DISP2: variants seen among roughly 807,000 people sequenced by gnomAD.
DISP2 encodes the protein protein dispatched homolog 2.
A neutral mutation model predicts 95.5 loss-of-function variants in DISP2; 59 were observed. The ratio of observed to expected loss-of-function variants is 0.62; its 90% confidence interval spans 0.50 to 0.77. The LOEUF is 0.77. DISP2 is among the 30% of genes least tolerant of loss of function. DISP2 has a pLI of 0.00. For missense variants in DISP2, 1,752 were observed against 1,854.6 expected (o/e 0.94, Z 1.02); for synonymous variants, 827 against 815.0 (o/e 1.01, Z -0.25).
Position 40,358,325 on chromosome 15 carries a change from G to A in DISP2, c.4G>A (p.Asp2Asn). M[D>N]GDSSSSSGGS... ...GACAGCGGTGCCGCCCACGGGCATG[G>A]ACGGTGACAGCAGCAGCAGCAGCGG... Residue 2 changes from aspartate to asparagine, a missense_variant, in exon 1 of 8, where the codon GAC becomes AAC. Physicochemically the swap from Asp to Asn is conservative, Grantham distance 23. Coordinates refer to ENST00000267889, the MANE Select transcript of DISP2 (RefSeq NM_033510.3). 1 of 1,383,580 alleles carries A rather than the reference G, an allele frequency of 7.2e-7. No individual in the cohort carries two copies. The highest frequency in any genetic ancestry group is 1.6e-5 in the South Asian group (1 of 62,398). 85.7% of individuals were successfully genotyped at this position (1,383,580 alleles called of 1,614,324 possible). A position where few individuals can be genotyped will look rare whatever the true frequency, so the allele number is the denominator to read the frequency against.
rs1889627631 is a variant in DISP2, at chr15:40,370,615, A to G, written c.*297A>G. 2 of 609,274 alleles carry G rather than the reference A, an allele frequency of 3.3e-6. No homozygotes were observed. Among genetic ancestry groups the G allele is most frequent in the East Asian group, 3.6e-5 (1 of 27,602 alleles). The allele number at this position is 609,274 out of a possible 1,614,324, so 37.7% of individuals were successfully genotyped here. On this transcript the variant is annotated 3_prime_UTR_variant, in exon 8 of 8. Coordinates refer to ENST00000267889, the MANE Select transcript of DISP2 (RefSeq NM_033510.3). ...CCCTCCTCTAGAAGTGGGGAAGGCC[A>G]GATGTGTAGCTTCGGGTATCAGAGG... is the stretch of plus-strand genomic sequence containing the variant.
In DISP2 at chr15:40,376,299, GT is replaced by G. The variant is rs2141267022; in HGVS notation, c.*5982del. On this transcript the variant is annotated 3_prime_UTR_variant, in exon 8 of 8. Transcript: ENST00000267889. ...AGCTTGGGCAACATAGCAAGATCCC[GT>G]ATCTACAAAAAATAATTTTAAAAAT... 1 of 152,272 alleles carries G rather than the reference GT, an allele frequency of 6.6e-6. No homozygotes were observed. Among genetic ancestry groups the G allele is most frequent in the East Asian group, 1.9e-4 (1 of 5,188 alleles). 9.4% of individuals were successfully genotyped at this position (152,272 alleles called of 1,614,324 possible).
chr15:40,368,344 C>T lies in DISP2; in HGVS notation c.2232C>T (p.His744=), dbSNP rs1249418611. Reference sequence around the variant, plus strand: ...GCGGCCAGGTCTTCCGGCCCAGCCACCCCTTCGAGCGCTTCGACGCGGAGT... The same window carrying T: ...GCGGCCAGGTCTTCCGGCCCAGCCATCCCTTCGAGCGCTTCGACGCGGAGT... The part of the protein sequence containing the change: ...PPGGQVFRPS[H]PFERFDAEYR... The change falls in exon 8 of 8, where the codon CAC becomes CAT. Residue 744 remains histidine, a synonymous_variant. Transcript: ENST00000267889. 1.2e-6 allele frequency: 2 copies of T among 1,604,834 alleles called. No homozygotes were observed. Among genetic ancestry groups the T allele is most frequent in the African/African-American group, 1.3e-5 (1 of 74,866 alleles).
At position 40,367,681 on chromosome 15, in the gene DISP2, A is replaced by G. The variant is rs756074510; in HGVS notation, c.1569A>G (p.Ser523=). Residue 523 remains serine (S), a synonymous_variant, in exon 8 of 8, where the codon TCA becomes TCG. Transcript: ENST00000267889. ...TLMVLLGVLG[S]LLVAFFLYQV... is the part of the protein sequence containing the mutation. ...TGGTGCTGCTGGGGGTGCTGGGCTC[A>G]CTGCTGGTGGCCTTCTTCCTTTACC... 1 of 1,613,930 alleles carries G rather than the reference A, an allele frequency of 6.2e-7. No individual in the cohort carries two copies. Among genetic ancestry groups the G allele is most frequent in the Non-Finnish European group, 8.5e-7 (1 of 1,180,018 alleles).
rs770346471 is a variant in DISP2 at position 40,365,612 on chromosome 15, C to G, written c.848-16C>G. The G allele has an allele frequency of 4.3e-6, 7 of 1,613,578 alleles. No homozygotes were observed. Among genetic ancestry groups the G allele is most frequent in the Non-Finnish European group, 5.9e-6 (7 of 1,179,748 alleles). Reference sequence around the variant, plus strand: ...GGCCAAAGGACTGAGCTCCAGGTTGCGGGGGTATGTTGCAGAGAAGAGCTA... The same window carrying G: ...GGCCAAAGGACTGAGCTCCAGGTTGGGGGGGTATGTTGCAGAGAAGAGCTA... On this transcript the variant is annotated splice_polypyrimidine_tract_variant and intron_variant, in intron 6 of 7. Transcript: ENST00000267889.
intron 3 of DISP2, 39 bp from the exon 4 acceptor site, chr15:40,364,374 CCGTTGCTA>C (rs1566914691): frequency 6.2e-7 from 1 of 1,613,266 alleles, no homozygotes; most frequent in Admixed American, 1.7e-5. Flanking sequence ...AGCTCAGCAC[CCGTTGCTA>C]CCACACCCAA....
chr15:40,365,821 G>C, intron 7 of DISP2, 96 bp downstream of exon 7: 2 of 1,220,440 alleles, frequency 1.6e-6, no homozygotes, highest in South Asian at 2.5e-5. Context: ...ACTGCCAGGG[G>C]GTGGACTGGG....
Position 40,369,748 on chromosome 15 carries a change from C to T in DISP2, c.3636C>T (p.Ala1212=), listed in dbSNP as rs2141263901. The change falls in exon 8 of 8, where the codon GCC becomes GCT. Residue 1212 remains alanine, a synonymous_variant. Transcript: ENST00000267889. The part of the protein sequence containing the change: ...PCCSRPPPAP[A]SPRELLLDHQ... ...GTTCCCGGCCCCCACCAGCCCCTGC[C>T]TCCCCAAGGGAGCTGCTGCTGGACC... 1 of 1,609,246 alleles carries T rather than the reference C, an allele frequency of 6.2e-7. No homozygotes were observed. The highest frequency in any genetic ancestry group is 2.2e-5 in the East Asian group (1 of 44,828).
chr15:40,369,975 C>G lies in DISP2; in HGVS notation c.3863C>G (p.Thr1288Ser), dbSNP rs1364708175. 1 of 1,612,924 alleles carries G rather than the reference C, an allele frequency of 6.2e-7. No individual in the cohort carries two copies. The highest frequency in any genetic ancestry group is 2.2e-5 in the East Asian group (1 of 44,886). Residue 1288 changes from threonine to serine, a missense_variant, in exon 8 of 8, where the codon ACC becomes AGC. By Grantham distance (58) the Thr-to-Ser change is moderately conservative. Around this residue, in one of 5 missense-constraint regions of DISP2, gnomAD observed 347 missense variants for 344.2 expected, o/e 1.01. Transcript: ENST00000267889. Reference protein sequence around the residue: ...PPDGFCSSASTLEGLSVSDET... With the variant: ...PPDGFCSSASSLEGLSVSDET... ...GATGGCTTCTGTTCCTCAGCCAGCACCCTGGAGGGGCTCAGCGTCTCTGAT... is the reference window on the plus strand; with the variant it reads ...GATGGCTTCTGTTCCTCAGCCAGCAGCCTGGAGGGGCTCAGCGTCTCTGAT...
rs2141262456 is a variant in DISP2 at position 40,368,052 on chromosome 15, A to G, written c.1940A>G (p.Tyr647Cys). The G allele has an allele frequency of 2.0e-6, 3 of 1,515,626 alleles. No homozygotes were observed. The East Asian group carries it at 7.6e-5, about 39-fold the overall frequency. The allele number at this position is 1,515,626 out of a possible 1,614,324, so 93.9% of individuals were successfully genotyped here. ...LPASAVLHER[Y>C]LARGCARRAR... ...GCCTCCGCCGTGCTCCACGAGCGCT[A>G]CCTGGCGCGCGGCTGTGCGCGCCGG... Residue 647 changes from tyrosine (Y) to cysteine (C), a missense_variant, in exon 8 of 8, where the codon TAC becomes TGC. Tyr to Cys is a radical substitution (Grantham distance 194, BLOSUM62 -2). Coordinates refer to ENST00000267889, the MANE Select transcript of DISP2 (RefSeq NM_033510.3).
intron 1 of DISP2, among the ~76,000 whole-genome samples, chr15:40,360,231 G>A (rs1042215340): frequency 2.0e-5 from 3 of 152,218 alleles, no homozygotes; most frequent in Non-Finnish European, 4.4e-5. Flanking sequence ...ACTCATCCCA[G>A]TGAGGGCCAT....
Position 40,370,714 on chromosome 15 carries a change from T to G in DISP2, c.*396T>G. On this transcript the variant is annotated 3_prime_UTR_variant, in exon 8 of 8. Coordinates refer to ENST00000267889, the MANE Select transcript of DISP2 (RefSeq NM_033510.3). ...AGGGACCCCCATCCTAGGGATCTTG[T>G]CAGGGTTCCTTACTGACCAGAGGAG... The G allele has an allele frequency of 2.1e-6, 1 of 471,200 alleles. No individual in the cohort carries two copies. The highest frequency in any genetic ancestry group is 4.2e-6 in the Non-Finnish European group (1 of 237,546). The allele number at this position is 471,200 out of a possible 1,614,324, so 29.2% of individuals were successfully genotyped here. A position where few individuals can be genotyped will look rare whatever the true frequency, so the allele number is the denominator to read the frequency against.
Position 40,368,526 on chromosome 15 carries a change from G to C in DISP2, c.2414G>C (p.Gly805Ala). ...LVRDPAFSAS[G>A]PEAQRWLLAL... ...AGGGACCCTGCCTTCTCGGCCAGCG[G>C]CCCTGAGGCCCAGCGCTGGCTGCTG... Residue 805 changes from glycine to alanine, a missense_variant, in exon 8 of 8, where the codon GGC becomes GCC. Physicochemically the swap from Gly to Ala is moderately conservative, Grantham distance 60 (BLOSUM62 0). Coordinates refer to ENST00000267889, the MANE Select transcript of DISP2 (RefSeq NM_033510.3). 2 of 1,605,602 alleles carry C rather than the reference G, an allele frequency of 1.2e-6. No homozygotes were observed. Among genetic ancestry groups the C allele is most frequent in the Non-Finnish European group, 1.7e-6 (2 of 1,179,894 alleles).
At position 40,365,207 on chromosome 15, in the gene DISP2, C is replaced by T. The variant is rs747112898; in HGVS notation, c.780C>T (p.Val260=). The change falls in exon 6 of 8, where the codon GTC becomes GTT. Residue 260 remains valine, a synonymous_variant. Transcript: ENST00000267889. Reference sequence around the variant, plus strand: ...GAGGCAGTGCCCAGGAGAGCGCTGTCCGGCCTCGGAGAATGGTGGAGCCCC... The same window carrying T: ...GAGGCAGTGCCCAGGAGAGCGCTGTTCGGCCTCGGAGAATGGTGGAGCCCC... ...APRGSAQESA[V]RPRRMVEPLE... The T allele has an allele frequency of 1.7e-5, 27 of 1,614,052 alleles. No individual in the cohort carries two copies. Among genetic ancestry groups the T allele is most frequent in the Non-Finnish European group, 3.4e-6 (4 of 1,180,048 alleles).
At position 40,363,963 on chromosome 15, in the gene DISP2, G is replaced by C; in HGVS notation, c.449+9G>C. The C allele has an allele frequency of 1.3e-6, 2 of 1,517,742 alleles. No individual in the cohort carries two copies. The highest frequency in any genetic ancestry group is 2.8e-5 in the African/African-American group (2 of 72,220). 94.0% of individuals were successfully genotyped at this position (1,517,742 alleles called of 1,614,324 possible). The stretch of plus-strand genomic sequence containing the variant: ...CATGTGGTCAGCGTCAGGTAAGGAG[G>C]GGTCCAGCAGCCTGCCAGCTGCCAC... On this transcript the variant is annotated intron_variant, in intron 2 of 7. Transcript: ENST00000267889.
Position 40,369,872 on chromosome 15 carries a change from G to A in DISP2, c.3760G>A (p.Gly1254Arg), listed in dbSNP as rs1440047960. ...PKTRARQDSQ[G>R]EEAEPLPASP... ...AACCCGGGCCAGGCAGGACTCCCAA[G>A]GGGAGGAGGCTGAGCCCCTGCCAGC... Residue 1254 changes from glycine to arginine, a missense_variant, in exon 8 of 8, where the codon GGG (glycine) becomes AGG (arginine). Gly to Arg is a moderately radical substitution (Grantham distance 125). Transcript: ENST00000267889. 2 of 1,567,976 alleles carry A rather than the reference G, an allele frequency of 1.3e-6. No homozygotes were observed. The highest frequency in any genetic ancestry group is 2.4e-5 in the South Asian group (2 of 84,590).
Position 40,367,105 on chromosome 15 carries a change from C to G in DISP2, c.993C>G (p.Ala331=). Reference sequence around the variant, plus strand: ...GGGCTCTGTGCCAGCGGACAGCAGCCAACCAGTGCTGCCCCAGCTGGTCCC... The same window carrying G: ...GGGCTCTGTGCCAGCGGACAGCAGCGAACCAGTGCTGCCCCAGCTGGTCCC... ...SFGALCQRTA[A]NQCCPSWSLG... Residue 331 remains alanine (A), a synonymous_variant, in exon 8 of 8, where the codon GCC becomes GCG. Coordinates refer to ENST00000267889, the MANE Select transcript of DISP2 (RefSeq NM_033510.3). 2.5e-6 allele frequency: 4 copies of G among 1,613,472 alleles called. No individual in the cohort carries two copies. The highest frequency in any genetic ancestry group is 3.4e-6 in the Non-Finnish European group (4 of 1,180,020).
At chr15:40,360,296 C>G (rs1185047829) in intron 1 of DISP2, among the ~76,000 whole-genome samples, 1 of 152,176 alleles carries the variant, frequency 6.6e-6, no homozygotes, top group Admixed American at 6.5e-5. Flanking sequence ...GTGCTTAACT[C>G]CTATTTTACT....
At chr15:40,360,876 G>A (rs1471319231) in intron 1 of DISP2, among the ~76,000 whole-genome samples, 1 of 152,220 alleles carries the variant, frequency 6.6e-6, no homozygotes, top group Non-Finnish European at 1.5e-5. Context: ...TGAAGAGGGA[G>A]ACCAAGGCTG....
Sources: allele counts gnomAD v4.1 joint callset (sites outside exome capture counted in the v4.1 genomes callset), GRCh38; gene constraint gnomAD v4.1.1; regional missense constraint gnomAD v4.1.1; transcripts MANE v1.5; gene names NCBI Gene and HGNC (gene_info 2026-07-23, HGNC 2026-07-21).